Variants in SCN1A observed in about 807,000 individuals in gnomAD.
SCN1A encodes sodium voltage-gated channel alpha subunit 1, also known as sodium channel protein type 1 subunit alpha.
A neutral mutation model predicts 193.7 loss-of-function variants in SCN1A; 13 were observed. The ratio of observed to expected loss-of-function variants is 0.07; its 90% CI spans 0.04 to 0.11. The LOEUF (loss-of-function observed/expected upper bound fraction) is 0.11. Ranked by LOEUF, SCN1A falls within the 10% of genes least tolerant of loss-of-function variation. The pLI, the probability that SCN1A is intolerant of heterozygous loss-of-function variation, is 1.00. For missense variants in SCN1A, 1,432 were observed against 2,451.1 expected (o/e 0.58, Z 8.78); for synonymous variants, 781 against 843.6 (o/e 0.93, Z 1.29).
chr2:166,146,513 G>T (rs1458962534), intron 1 of SCN1A, among the ~76,000 whole-genome samples: 2 of 152,118 alleles, frequency 1.3e-5, no homozygotes, highest in Non-Finnish European at 2.9e-5. Flanking sequence ...AAATATCTTT[G>T]GTCATCACAA....
chr2:166,009,367 TA>T (rs1692098827), intron 23 of SCN1A: 1 of 167,576 alleles, frequency 6.0e-6, no homozygotes, highest in Non-Finnish European at 1.3e-5. Flanking sequence ...TCACAAAGAA[TA>T]AGTACCTGAT....
At chr2:165,996,177 G>GTTA in intron 26 of SCN1A, 60 bp from the exon 27 acceptor site, 18 of 1,039,250 alleles carry the variant, frequency 1.7e-5, no homozygotes, top group Non-Finnish European at 2.7e-5. Context: ...TTTTTTCAAT[G>GTTA]TTAAAATAGA....
At chr2:166,115,952 G>A (rs1451660034) in intron 2 of SCN1A, among the ~76,000 whole-genome samples, 1 of 152,204 alleles carries the variant, frequency 6.6e-6, no homozygotes, top group Non-Finnish European at 1.5e-5. Context: ...GGAAGAAGAG[G>A]TCGTGGCTAT....
chr2:166,039,627 A>G, intron 16 of SCN1A, 31 bp from the exon 17 acceptor site: 1 of 1,573,042 alleles, frequency 6.4e-7, no homozygotes, highest in South Asian at 1.1e-5. Flanking sequence ...ATCTAATTCC[A>G]CCAGATAATA....
chr2:166,012,909 G>A (rs756126578), intron 21 of SCN1A, among the ~76,000 whole-genome samples: 1 of 150,716 alleles, frequency 6.6e-6, no homozygotes, highest in Admixed American at 6.6e-5. Context: ...TCCTTTCAAC[G>A]GTGAAAGACT....
At chr2:166,012,439 T>C (rs1188962906) in intron 21 of SCN1A, among the ~76,000 whole-genome samples, 157 bp from the exon 22 acceptor site, 1 of 150,976 alleles carries the variant, frequency 6.6e-6, no homozygotes, top group African/African-American at 2.4e-5. Flanking sequence ...CAAAGGTCTT[T>C]TACTTATTTA....
intron 1 of SCN1A, among the ~76,000 whole-genome samples, chr2:166,134,770 G>C (rs1401605919): frequency 6.6e-6 from 1 of 152,092 alleles, no homozygotes; most frequent in Non-Finnish European, 1.5e-5. Flanking sequence ...TTATATGATG[G>C]TTATCTGTCA....
chr2:166,091,032 C>A (rs746392582), intron 2 of SCN1A, among the ~76,000 whole-genome samples: 27 of 152,180 alleles, frequency 1.8e-4, no homozygotes, highest in Admixed American at 7.2e-4. Flanking sequence ...AATGAACTAA[C>A]CTGCATTGTA....
At chr2:166,141,260 C>T (rs1668755284) in intron 1 of SCN1A, among the ~76,000 whole-genome samples, 1 of 152,000 alleles carries the variant, frequency 6.6e-6, no homozygotes, top group African/African-American at 2.4e-5. Flanking sequence ...AATTAACTTT[C>T]CAGTTTCTCT....
chr2:166,050,915 A>G (rs1011829852), intron 9 of SCN1A, among the ~76,000 whole-genome samples: 2 of 151,854 alleles, frequency 1.3e-5, no homozygotes, highest in East Asian at 3.9e-4. Flanking sequence ...AAAATAATCT[A>G]TTAAACTATA....
chr2:166,085,878 G>C (rs1315694897), intron 2 of SCN1A, among the ~76,000 whole-genome samples: 1 of 152,136 alleles, frequency 6.6e-6, no homozygotes, highest in African/African-American at 2.4e-5. Flanking sequence ...ATTGTTCAGA[G>C]AAGAACCATT....
intron 2 of SCN1A, among the ~76,000 whole-genome samples, chr2:166,112,202 A>G (rs1689366809): frequency 6.6e-6 from 1 of 152,188 alleles, no homozygotes; most frequent in East Asian, 1.9e-4. Context: ...GGCAAACTTC[A>G]TTGTTGTTTT....
intron 3 of SCN1A, among the ~76,000 whole-genome samples, chr2:166,075,818 CAATAT>C: frequency 6.6e-6 from 1 of 151,974 alleles, no homozygotes; most frequent in East Asian, 1.9e-4. Flanking sequence ...TTATCCTCAC[CAATAT>C]AATATGTTAT....
intron 4 of SCN1A, chr2:166,059,646 T>G (rs967276716): frequency 6.6e-6 from 1 of 152,216 alleles, no homozygotes; most frequent in African/African-American, 2.4e-5. Flanking sequence ...AATTTTAAGC[T>G]TCTTGATTTT....
At chr2:166,049,161 A>G (rs1388482592) in intron 9 of SCN1A, among the ~76,000 whole-genome samples, 3 of 88,372 alleles carry the variant, frequency 3.4e-5, no homozygotes, top group Non-Finnish European at 9.4e-5. Flanking sequence ...TTATGAAGAA[A>G]TGACATTAGA....
At chr2:166,042,459 A>G in intron 14 of SCN1A, 35 bp from the exon 15 acceptor site, 3 of 1,606,446 alleles carry the variant, frequency 1.9e-6, no homozygotes, top group Non-Finnish European at 1.7e-6. Context: ...TAAACAATTA[A>G]TTTGAGCAAT....
At chr2:166,058,790 A>C in intron 4 of SCN1A, 102 bp from the exon 5 acceptor site, 1 of 743,278 alleles carries the variant, frequency 1.3e-6, no homozygotes, top group Non-Finnish European at 2.4e-6. Flanking sequence ...GTAAAGTTAA[A>C]TGAGAAACCA....
At chr2:166,085,439 A>T (rs1686005505) in intron 2 of SCN1A, among the ~76,000 whole-genome samples, 1 of 152,154 alleles carries the variant, frequency 6.6e-6, no homozygotes, top group Admixed American at 6.6e-5. Context: ...TTCTGCTCAG[A>T]GGGGTTTCTC....
chr2:166,045,534 T>G (rs1217054072), intron 12 of SCN1A, among the ~76,000 whole-genome samples: 3 of 152,170 alleles, frequency 2.0e-5, no homozygotes, highest in Non-Finnish European at 4.4e-5. Flanking sequence ...GTTTGCTCCA[T>G]GGTAACATTT....
Sources: gnomAD v4.1 joint callset for allele counts (sites outside exome capture counted in the v4.1 genomes callset) on GRCh38, gnomAD v4.1.1 for gene constraint, MANE v1.5 for transcripts, NCBI Gene and HGNC (gene_info 2026-07-23, HGNC 2026-07-21) for gene names.